The following SCFD2 variants were observed in gnomAD, a reference collection of about 807,000 sequenced individuals.
The protein encoded by SCFD2 is sec1 family domain containing 2, also known as sec1 family domain-containing protein 2.
Under a neutral mutation model 58.9 loss-of-function variants are expected in SCFD2, and 54 were observed. That is an observed-to-expected ratio of 0.92 (90% CI 0.74 to 1.15). The LOEUF is 1.15. Ranked by LOEUF, SCFD2 falls within the 50% of genes most tolerant of loss-of-function variation. The pLI, the probability that SCFD2 is intolerant of heterozygous loss-of-function variation, is 0.00. For missense variants in SCFD2, 805 were observed against 836.6 expected (o/e 0.96, Z 0.47); for synonymous variants, 321 against 335.9 (o/e 0.96, Z 0.49).
intron 2 of SCFD2, among the ~76,000 whole-genome samples, chr4:53,340,962 T>G (rs189875606): frequency 1.1e-3 from 164 of 152,174 alleles, no homozygotes; most frequent in African/African-American, 3.8e-3. Flanking sequence ...CCATTGTACA[T>G]CACCATCATC....
intron 5 of SCFD2, among the ~76,000 whole-genome samples, chr4:52,935,477 G>A (rs570605785): frequency 2.6e-4 from 40 of 152,250 alleles, no homozygotes; most frequent in Non-Finnish European, 4.6e-4. Context: ...TTGTGTAAGA[G>A]CACATACTCA....
At chr4:53,269,129 G>C (rs1731082933) in intron 4 of SCFD2, among the ~76,000 whole-genome samples, 1 of 151,988 alleles carries the variant, frequency 6.6e-6, no homozygotes, top group Admixed American at 6.6e-5. Context: ...AGACCAGCCT[G>C]GGCAATACAG....
At chr4:53,242,877 G>T (rs987166771) in intron 4 of SCFD2, among the ~76,000 whole-genome samples, 4 of 152,146 alleles carry the variant, frequency 2.6e-5, no homozygotes, top group African/African-American at 9.7e-5. Context: ...GTTGAGGAAA[G>T]AATCTCAAAG....
At chr4:53,190,558 C>T (rs77602041) in intron 4 of SCFD2, among the ~76,000 whole-genome samples, 2,782 of 152,302 alleles carry the variant, frequency 0.018, 89 homozygotes, top group African/African-American at 0.063. Context: ...TCTAATACTT[C>T]CTATTCCATG....
At position 53,306,487 on chromosome 4, in the gene SCFD2, ATAATTAT is replaced by A. The variant is rs1193286927; in HGVS notation, c.1135+7142_1135+7148del. ...GAAAGGAAATTTGTAAATAGAAATAATAATTATTAATTATTAATTCAATGAAAACTAT... is the reference window on the plus strand; with the variant it reads ...GAAAGGAAATTTGTAAATAGAAATAATAATTATTAATTCAATGAAAACTAT... On this transcript the variant is annotated intron_variant, in intron 3 of 8. Coordinates refer to ENST00000401642, the MANE Select transcript of SCFD2 (RefSeq NM_152540.4). Among the ~76,000 whole-genome samples, 4 of 152,336 alleles carry A rather than the reference ATAATTAT, an allele frequency of 2.6e-5. No individual in the cohort carries two copies. In the East Asian group the frequency reaches 5.8e-4, roughly 22 times the overall value.
chr4:53,278,263 A>AG lies in SCFD2; in HGVS notation c.1136-4263dup, dbSNP rs570109632. ...GCACCTGTAGTTCCAGCTACTCAGG[A>AG]GCTGAGGCAGGAGAATCACTTGAAC... On this transcript the variant is annotated intron_variant, in intron 3 of 8. Transcript: ENST00000401642. 3.0e-3 allele frequency among the ~76,000 whole-genome samples: 451 copies of AG among 149,632 alleles called. 2 individuals are homozygous for AG. The highest frequency in any genetic ancestry group is 0.011 in the African/African-American group (428 of 40,562).
At chr4:53,243,574 G>A (rs894010123) in intron 4 of SCFD2, among the ~76,000 whole-genome samples, 1 of 151,940 alleles carries the variant, frequency 6.6e-6, no homozygotes, top group Non-Finnish European at 1.5e-5. Context: ...ATACAAACAA[G>A]TTGGCATAAT....
chr4:53,217,884 T>C (rs931465975), intron 4 of SCFD2, among the ~76,000 whole-genome samples: 1 of 152,216 alleles, frequency 6.6e-6, no homozygotes, highest in African/African-American at 2.4e-5. Flanking sequence ...AAGGATTTTA[T>C]TTCTCCTTCA....
At chr4:52,910,938 C>A (rs774647928) in intron 6 of SCFD2, among the ~76,000 whole-genome samples, 2 of 152,108 alleles carry the variant, frequency 1.3e-5, no homozygotes, top group African/African-American at 2.4e-5. Context: ...TGAGGCCTCC[C>A]AAGCCCTGTG....
At chr4:53,307,253 T>C (rs1467676786) in intron 3 of SCFD2, among the ~76,000 whole-genome samples, 2 of 152,142 alleles carry the variant, frequency 1.3e-5, no homozygotes, top group African/African-American at 4.8e-5. Context: ...GCAATGAGAA[T>C]AGGTAGGTGA....
At chr4:53,272,193 G>C in intron 4 of SCFD2, among the ~76,000 whole-genome samples, 1 of 152,142 alleles carries the variant, frequency 6.6e-6, no homozygotes, top group East Asian at 1.9e-4. Flanking sequence ...TCATTAAAAA[G>C]TCAGGAAACA....
intron 5 of SCFD2, among the ~76,000 whole-genome samples, chr4:53,058,970 T>C (rs1230896671): frequency 6.6e-6 from 1 of 152,124 alleles, no homozygotes; most frequent in East Asian, 1.9e-4. Flanking sequence ...TCAAGTAGCA[T>C]GCCACTCAGT....
In SCFD2 at chr4:53,005,713, C is replaced by T. The variant is rs1721957429; in HGVS notation, c.1562-84843G>A. On this transcript the variant is annotated intron_variant, in intron 5 of 8. Coordinates refer to ENST00000401642, the MANE Select transcript of SCFD2 (RefSeq NM_152540.4). ...AATAAAACATTCAATCAGAGAGACA[C>T]AAAGAGTATTACATTTAAAAAAAGG... Among the ~76,000 whole-genome samples the T allele has an allele frequency of 2.0e-5, 3 of 152,120 alleles. No individual in the cohort carries two copies. The South Asian group carries it at 6.2e-4, about 31-fold the overall frequency.
intron 3 of SCFD2, among the ~76,000 whole-genome samples, chr4:53,302,468 A>C (rs541770088): frequency 1.3e-5 from 2 of 152,320 alleles, no homozygotes; most frequent in African/African-American, 4.8e-5. Flanking sequence ...AACAAATGGA[A>C]GAACATTCCA....
At chr4:53,165,490 T>C (rs1463691296) in intron 4 of SCFD2, among the ~76,000 whole-genome samples, 1 of 152,200 alleles carries the variant, frequency 6.6e-6, no homozygotes, top group Non-Finnish European at 1.5e-5. Flanking sequence ...CTCCTTGCAC[T>C]GACTTGCACG....
At chr4:53,363,826 C>CA (rs754101699) in intron 1 of SCFD2, among the ~76,000 whole-genome samples, 55,180 of 107,032 alleles carry the variant, frequency 0.52, 14,063 homozygotes, top group South Asian at 0.58. Flanking sequence ...GACTCCGTCT[C>CA]AAAAAAAAAA....
At chr4:52,980,871 A>G (rs1271424762) in intron 5 of SCFD2, among the ~76,000 whole-genome samples, 1 of 152,150 alleles carries the variant, frequency 6.6e-6, no homozygotes, top group Non-Finnish European at 1.5e-5. Flanking sequence ...ATTTTTGCAT[A>G]TAGATCTTCC....
intron 6 of SCFD2, among the ~76,000 whole-genome samples, chr4:52,918,701 T>C (rs924062320): frequency 6.6e-6 from 1 of 152,206 alleles, no homozygotes; most frequent in African/African-American, 2.4e-5. Context: ...TTTTATTCTA[T>C]TTTTACAAAA....
chr4:53,088,031 AAGAG>A (rs1262510756), intron 5 of SCFD2, among the ~76,000 whole-genome samples: 1 of 152,178 alleles, frequency 6.6e-6, no homozygotes, highest in African/African-American at 2.4e-5. Context: ...AAAATAACAG[AAGAG>A]AGAAATGACT....
Sources: allele counts gnomAD v4.1 joint callset (sites outside exome capture counted in the v4.1 genomes callset), GRCh38; gene constraint gnomAD v4.1.1; transcripts MANE v1.5; gene names NCBI Gene and HGNC (gene_info 2026-07-23, HGNC 2026-07-21).